The following NKAIN3 variants were observed in gnomAD, a reference collection of about 807,000 sequenced individuals.
The protein encoded by NKAIN3 is sodium/potassium-transporting ATPase subunit beta-1-interacting protein 3.
NKAIN3 carries 25 observed loss-of-function variants against 30.2 expected under a neutral mutation model. That is an observed-to-expected ratio of 0.83 (90% CI 0.60 to 1.16). The LOEUF (loss-of-function observed/expected upper bound fraction) is 1.16, where lower values mean the gene tolerates loss of function less well. NKAIN3 is among the 50% of genes most tolerant of loss of function. The pLI is 0.00. For synonymous variants in NKAIN3, 91 were observed against 89.6 expected (o/e 1.02, Z -0.09); for missense variants, 225 against 254.1 (o/e 0.89, Z 0.78).
At chr8:62,722,730 A>C (rs74605702) in intron 3 of NKAIN3, among the ~76,000 whole-genome samples, 1,620 of 152,250 alleles carry the variant, frequency 0.011, 31 homozygotes, top group African/African-American at 0.035. Flanking sequence ...AGCAAAGTGA[A>C]TAGCATCCCT....
chr8:62,325,931 A>G (rs570378030), intron 1 of NKAIN3, among the ~76,000 whole-genome samples: 1 of 152,138 alleles, frequency 6.6e-6, no homozygotes, highest in African/African-American at 2.4e-5. Context: ...GTGGTTTGCA[A>G]AAATTCTTTC....
intron 1 of NKAIN3, among the ~76,000 whole-genome samples, chr8:62,286,133 A>C (rs1206204763): frequency 1.3e-5 from 2 of 152,218 alleles, no homozygotes; most frequent in Admixed American, 1.3e-4. Flanking sequence ...GGAAGTGATC[A>C]TTCCAGATAT....
intron 4 of NKAIN3, among the ~76,000 whole-genome samples, chr8:62,802,503 C>G (rs947363016): frequency 5.9e-5 from 9 of 152,216 alleles, no homozygotes; most frequent in Admixed American, 1.3e-4. Flanking sequence ...AATTTCATAT[C>G]CAGCCAAACT....
intron 1 of NKAIN3, among the ~76,000 whole-genome samples, chr8:62,312,250 A>C (rs1814466898): frequency 6.6e-6 from 1 of 150,760 alleles, no homozygotes; most frequent in South Asian, 2.1e-4. Flanking sequence ...TTTTATTTTA[A>C]AATGTAATTA....
At chr8:62,956,815 C>T (rs940218098) in intron 6 of NKAIN3, among the ~76,000 whole-genome samples, 2 of 149,736 alleles carry the variant, frequency 1.3e-5, no homozygotes, top group Non-Finnish European at 3.0e-5. Flanking sequence ...AGCCAATGAT[C>T]TAGGAGGGGA....
chr8:62,990,113 A>C lies in NKAIN3; in HGVS notation c.533-9118A>C, dbSNP rs148305517. The stretch of plus-strand genomic sequence containing the variant: ...TGATTCAGCAAATCATTTCAATCTA[A>C]TAAGATCAATTTAAATGTTGATATT... On this transcript the variant is annotated intron_variant, in intron 5 of 5. Transcript: ENST00000519049. 4,327 of 858,522 alleles carry C rather than the reference A, an allele frequency of 5.0e-3. 53 individuals are homozygous for C. Among genetic ancestry groups the C allele is most frequent in the East Asian group, 0.029 (1,021 of 35,068 alleles). 53.2% of individuals were successfully genotyped at this position (858,522 alleles called of 1,614,324 possible). A position where few individuals can be genotyped will look rare whatever the true frequency, so the allele number is the denominator to read the frequency against.
chr8:62,368,936 A>G (rs536284907), intron 1 of NKAIN3, among the ~76,000 whole-genome samples: 68 of 151,796 alleles, frequency 4.5e-4, no homozygotes, highest in African/African-American at 1.6e-3. Flanking sequence ...TCTCCCTTGC[A>G]GTTTGTTATT....
intron 5 of NKAIN3, among the ~76,000 whole-genome samples, chr8:62,919,203 C>A (rs191341012): frequency 2.5e-5 from 3 of 118,472 alleles, no homozygotes; most frequent in Non-Finnish European, 5.2e-5. Flanking sequence ...GTTAGGGACT[C>A]ACTTTTTTTT....
chr8:62,305,401 A>C (rs1332491580), intron 1 of NKAIN3, among the ~76,000 whole-genome samples: 1 of 150,526 alleles, frequency 6.6e-6, no homozygotes, highest in Non-Finnish European at 1.5e-5. Flanking sequence ...CCTACTGCAA[A>C]AATTGCAACA....
At chr8:62,746,786 T>C in intron 3 of NKAIN3, 146 bp from the exon 4 acceptor site, 1 of 584,552 alleles carries the variant, frequency 1.7e-6, no homozygotes, top group African/African-American at 1.8e-5. Flanking sequence ...ATGCAGCCAC[T>C]TGGGGCTTTG....
chr8:62,635,582 G>C (rs1812100945), intron 3 of NKAIN3, among the ~76,000 whole-genome samples: 2 of 152,086 alleles, frequency 1.3e-5, no homozygotes, highest in African/African-American at 4.8e-5. Context: ...GTATTAAGAG[G>C]TGGGACCTTT....
At chr8:62,635,505 T>G (rs886426424) in intron 3 of NKAIN3, among the ~76,000 whole-genome samples, 1 of 152,116 alleles carries the variant, frequency 6.6e-6, no homozygotes, top group African/African-American at 2.4e-5. Flanking sequence ...CTTAGGAAAG[T>G]GCTATGGTCA....
In NKAIN3 at chr8:62,528,347, A is replaced by ATT. The variant is rs1563441560; in HGVS notation, c.55-51191_55-51190insTT. 1.2e-3 allele frequency among the ~76,000 whole-genome samples: 83 copies of ATT among 68,532 alleles called. 1 individual carries two copies. In the South Asian group the frequency reaches 0.033, roughly 27 times the overall value. The allele number at this position is 68,532 out of a possible 152,430, so 45.0% of individuals were successfully genotyped here. ...ATAATATATATATTATATAATATAT[A>ATT]TATATATGACTTTTGTTGTAGAATA... On this transcript the variant is annotated intron_variant, in intron 1 of 6. Transcript: ENST00000623646.
At chr8:62,308,214 G>T (rs1814316266) in intron 1 of NKAIN3, among the ~76,000 whole-genome samples, 2 of 150,404 alleles carry the variant, frequency 1.3e-5, no homozygotes, top group Admixed American at 1.3e-4. Flanking sequence ...GTGTTGTTTA[G>T]TCAGCTGTAC....
chr8:62,843,086 G>C (rs991504170), intron 4 of NKAIN3, among the ~76,000 whole-genome samples: 1 of 151,918 alleles, frequency 6.6e-6, no homozygotes, highest in African/African-American at 2.4e-5. Context: ...AAAAATATTT[G>C]CAAACCATGG....
At chr8:62,470,263 G>A (rs902492905) in intron 1 of NKAIN3, among the ~76,000 whole-genome samples, 1 of 152,134 alleles carries the variant, frequency 6.6e-6, no homozygotes, top group Non-Finnish European at 1.5e-5. Flanking sequence ...ACTTAGGGCT[G>A]CCAATTTGGA....
intron 1 of NKAIN3, among the ~76,000 whole-genome samples, chr8:62,464,255 G>A (rs773715923): frequency 6.6e-6 from 1 of 152,144 alleles, no homozygotes; most frequent in Non-Finnish European, 1.5e-5. Context: ...AGAAGTTGGT[G>A]CAATGTTTGG....
At chr8:62,866,229 C>T (rs1419700196) in intron 4 of NKAIN3, among the ~76,000 whole-genome samples, 1 of 152,028 alleles carries the variant, frequency 6.6e-6, no homozygotes. Flanking sequence ...TTCATTGTGT[C>T]GAATGAAAAA....
rs1167342406 is a variant in NKAIN3 at position 62,977,276 on chromosome 8, C to T, written c.*11869C>T. On this transcript the variant is annotated 3_prime_UTR_variant, in exon 7 of 7. Coordinates refer to ENST00000623646, the MANE Select transcript of NKAIN3 (RefSeq NM_001304533.3). ...TTGGGGAAGTTCTCCTGGATTATAT[C>T]CTAAATTGTGCTTTCCAACTTGATT... 6.6e-6 allele frequency among the ~76,000 whole-genome samples: 1 copy of T among 152,102 alleles called. No individual in the cohort carries two copies.
Sources: gnomAD v4.1 joint callset for allele counts (sites outside exome capture counted in the v4.1 genomes callset) on GRCh38, gnomAD v4.1.1 for gene constraint, MANE v1.5 for transcripts, NCBI Gene and HGNC (gene_info 2026-07-23, HGNC 2026-07-21) for gene names.